AMPH: variants seen among roughly 807,000 people sequenced by gnomAD.
AMPH encodes amphiphysin (Stiff-Mann syndrome with breast cancer 128kD autoantigen).
AMPH carries 49 observed loss-of-function variants against 99.1 expected under a neutral mutation model. The observed-to-expected ratio is 0.49, with a 90% CI of 0.39 to 0.63. The LOEUF (loss-of-function observed/expected upper bound fraction) is 0.63. Among genes scored for constraint, AMPH ranks in the 20% least tolerant of loss-of-function variants. The pLI is 0.00. For synonymous variants in AMPH, 314 were observed against 317.3 expected, an observed-to-expected ratio of 0.99 and a Z score of 0.11; for missense variants, 759 against 863.4, an observed-to-expected ratio of 0.88 and a Z score of 1.52.
intron 1 of AMPH, among the ~76,000 whole-genome samples, chr7:38,627,392 A>AAAAAAAAAAAAAAAAAAAAAAT (rs1323317022): frequency 6.7e-6 from 1 of 149,724 alleles, no homozygotes; most frequent in African/African-American, 2.5e-5. Flanking sequence ...AAATACAAAA[A>AAAAAAAAAAAAAAAAAAAAAAT]AAAAAAAAAT....
intron 11 of AMPH, among the ~76,000 whole-genome samples, chr7:38,444,991 AT>A (rs1786704085): frequency 1.6e-3 from 2 of 1,238 alleles, no homozygotes; most frequent in African/African-American, 2.5e-3. Context: ...ATATATATAC[AT>A]ATATATATAT....
intron 2 of AMPH, among the ~76,000 whole-genome samples, chr7:38,505,879 G>A (rs1789306099): frequency 6.6e-6 from 1 of 152,098 alleles, no homozygotes; most frequent in South Asian, 2.1e-4. Flanking sequence ...TATGGCTTTG[G>A]TAGATTTTAT....
At position 38,576,819 on chromosome 7, in the gene AMPH, C is replaced by T. The variant is rs115394693; in HGVS notation, c.70-41808G>A. On this transcript the variant is annotated intron_variant, in intron 1 of 20. Transcript: ENST00000356264. Reference sequence around the variant, plus strand: ...CAAAGCTGGACTTACAGTCAGAATCCGGACCCTGCTAATCAACAGTTGTGT... The same window carrying T: ...CAAAGCTGGACTTACAGTCAGAATCTGGACCCTGCTAATCAACAGTTGTGT... Among the ~76,000 whole-genome samples, 718 of 152,170 alleles carry T rather than the reference C, an allele frequency of 4.7e-3. 10 individuals carry two copies. The highest frequency in any genetic ancestry group is 0.016 in the African/African-American group (663 of 41,514).
chr7:38,476,685 T>C (rs1205966908), intron 6 of AMPH, among the ~76,000 whole-genome samples, 177 bp downstream of exon 6: 1 of 152,226 alleles, frequency 6.6e-6, no homozygotes, highest in East Asian at 1.9e-4. Context: ...ATATGAACTG[T>C]ACAATATAAT....
chr7:38,627,986 G>T (rs1409527256), intron 1 of AMPH, among the ~76,000 whole-genome samples: 1 of 152,106 alleles, frequency 6.6e-6, no homozygotes, highest in Non-Finnish European at 1.5e-5. Context: ...GATGTAAGCA[G>T]ATATACATAA....
Position 38,589,717 on chromosome 7 carries a change from G to A in AMPH, c.69+41566C>T, listed in dbSNP as rs551637778. 5.9e-5 allele frequency among the ~76,000 whole-genome samples: 9 copies of A among 152,088 alleles called. No homozygotes were observed. In the South Asian group the frequency reaches 6.2e-4, roughly 11 times the overall value. ...TTGCTGACACAGTATTTCATATTAC[G>A]TAGCTCTCAATTATTAATTGAGTAT... On this transcript the variant is annotated intron_variant, in intron 1 of 20. Transcript: ENST00000356264.
intron 1 of AMPH, among the ~76,000 whole-genome samples, chr7:38,570,909 A>G (rs1791921054): frequency 1.0e-5 from 1 of 98,010 alleles, no homozygotes; most frequent in African/African-American, 3.7e-5. Context: ...TGTGCGTCTC[A>G]GTTTTTAACA....
intron 2 of AMPH, among the ~76,000 whole-genome samples, chr7:38,517,465 T>C (rs949882398): frequency 3.9e-5 from 6 of 152,238 alleles, no homozygotes; most frequent in African/African-American, 9.6e-5. Context: ...TCTGCCATAA[T>C]TGTAAGTTTC....
At chr7:38,533,968 T>C (rs1414560646) in intron 2 of AMPH, among the ~76,000 whole-genome samples, 2 of 152,180 alleles carry the variant, frequency 1.3e-5, no homozygotes, top group Non-Finnish European at 2.9e-5. Context: ...AGTTTAAAAA[T>C]AGTTTCTATA....
intron 1 of AMPH, among the ~76,000 whole-genome samples, chr7:38,581,501 T>C (rs1792461032): frequency 6.6e-6 from 1 of 152,074 alleles, no homozygotes; most frequent in South Asian, 2.1e-4. Flanking sequence ...TCAGGTCAGA[T>C]GGGGTTTTGT....
At chr7:38,530,272 C>CTGA (rs1790346254) in intron 2 of AMPH, among the ~76,000 whole-genome samples, 1 of 152,248 alleles carries the variant, frequency 6.6e-6, no homozygotes, top group African/African-American at 2.4e-5. Context: ...CTTTAAACAT[C>CTGA]TGCTAGAGCA....
chr7:38,491,309 G>A (rs999494645), intron 4 of AMPH, among the ~76,000 whole-genome samples, 164 bp from the exon 5 acceptor site: 3 of 152,114 alleles, frequency 2.0e-5, no homozygotes, highest in Non-Finnish European at 2.9e-5. Flanking sequence ...AAATTTTAAG[G>A]CAATTTGGCC....
chr7:38,606,169 T>C (rs1465620716), intron 1 of AMPH, among the ~76,000 whole-genome samples: 1 of 152,188 alleles, frequency 6.6e-6, no homozygotes, highest in African/African-American at 2.4e-5. Context: ...GTATCTTTGG[T>C]TTAGGGATTT....
At chr7:38,611,627 A>T (rs1584304538) in intron 1 of AMPH, among the ~76,000 whole-genome samples, 1 of 152,222 alleles carries the variant, frequency 6.6e-6, no homozygotes, top group African/African-American at 2.4e-5. Context: ...CACAGTAGGA[A>T]ATACCACTTT....
chr7:38,461,847 C>G (rs1345307287), intron 10 of AMPH, among the ~76,000 whole-genome samples: 1 of 152,186 alleles, frequency 6.6e-6, no homozygotes, highest in Non-Finnish European at 1.5e-5. Flanking sequence ...ACTTTCCATT[C>G]AAGGATTTTG....
chr7:38,445,899 G>A (rs1186020253), intron 11 of AMPH, among the ~76,000 whole-genome samples: 1 of 151,746 alleles, frequency 6.6e-6, no homozygotes, highest in African/African-American at 2.4e-5. Flanking sequence ...TAGTGAGTGA[G>A]TGTCAAGAGA....
chr7:38,457,931 A>ATG (rs1398222096), intron 11 of AMPH, among the ~76,000 whole-genome samples: 4 of 151,836 alleles, frequency 2.6e-5, no homozygotes, highest in African/African-American at 4.8e-5. Flanking sequence ...GTCATTTTGT[A>ATG]TGTGTGTGTG....
intron 16 of AMPH, among the ~76,000 whole-genome samples, chr7:38,419,082 T>TA (rs1410847286): frequency 6.6e-6 from 1 of 151,884 alleles, no homozygotes; most frequent in Non-Finnish European, 1.5e-5. Flanking sequence ...ACACTTAAAC[T>TA]AAAAAAAGTT....
intron 1 of AMPH, among the ~76,000 whole-genome samples, chr7:38,571,464 G>GAATATATTCTACATATTCTA (rs1182617998): frequency 1.6e-4 from 19 of 116,502 alleles, no homozygotes; most frequent in African/African-American, 6.0e-4. Context: ...AGAATATATG[G>GAATATATTCTACATATTCTA]AATATATTCT....
Sources: gnomAD v4.1 joint callset for allele counts (sites outside exome capture counted in the v4.1 genomes callset) on GRCh38, gnomAD v4.1.1 for gene constraint, MANE v1.5 for transcripts, NCBI Gene and HGNC (gene_info 2026-07-23, HGNC 2026-07-21) for gene names.